SLC7A7: variants seen among roughly 807,000 people sequenced by gnomAD.
The protein encoded by SLC7A7 is solute carrier family 7 member 7, also known as Y+L amino acid transporter 1.
SLC7A7 carries 39 observed loss-of-function variants against 47.9 expected under a neutral mutation model. The ratio of observed to expected loss-of-function variants is 0.81; its 90% CI spans 0.63 to 1.06. The LOEUF (loss-of-function observed/expected upper bound fraction) is 1.06, where lower values mean the gene tolerates loss of function less well. Among genes scored for constraint, SLC7A7 ranks in the 50% least tolerant of loss-of-function variants. The pLI, the probability that SLC7A7 is intolerant of heterozygous loss-of-function variation, is 0.00. For missense variants in SLC7A7, 588 were observed against 632.0 expected (o/e 0.93, Z 0.75); for synonymous variants, 234 against 242.8 (o/e 0.96, Z 0.34).
intron 2 of SLC7A7, among the ~76,000 whole-genome samples, chr14:22,795,459 T>A (rs1189419761): frequency 3.8e-4 from 28 of 73,358 alleles, no homozygotes; most frequent in Non-Finnish European, 4.5e-4. Flanking sequence ...ATTCTTTTCT[T>A]TTCTTTTCTT....
chr14:22,795,720 G>A (rs907352177), intron 2 of SLC7A7, among the ~76,000 whole-genome samples: 7 of 150,652 alleles, frequency 4.6e-5, no homozygotes, highest in African/African-American at 7.3e-5. Flanking sequence ...TGATCTGCCC[G>A]CCTCGGCCTC....
intron 2 of SLC7A7, among the ~76,000 whole-genome samples, chr14:22,800,840 G>A (rs1446657889): frequency 6.6e-6 from 1 of 152,106 alleles, no homozygotes; most frequent in Admixed American, 6.5e-5. Flanking sequence ...TCAGGAGGCT[G>A]AGGAAGGAGA....
intron 2 of SLC7A7, among the ~76,000 whole-genome samples, chr14:22,810,886 G>A (rs1319174275): frequency 6.6e-6 from 1 of 152,178 alleles, no homozygotes; most frequent in Non-Finnish European, 1.5e-5. Flanking sequence ...GCTGAGGCAG[G>A]AGAATCACTT....
At chr14:22,818,053 G>A (rs1019232106), upstream of SLC7A7, among the ~76,000 whole-genome samples, 28 of 151,716 alleles carry the variant, frequency 1.8e-4, no homozygotes, top group Admixed American at 9.8e-4. Flanking sequence ...ACATCATCAC[G>A]CCTGCCCTTT....
chr14:22,809,434 G>A (rs28588189), intron 2 of SLC7A7, among the ~76,000 whole-genome samples: 62,690 of 150,430 alleles, frequency 0.42, 13,514 homozygotes, highest in Admixed American at 0.49. Flanking sequence ...TCTGCCTCCC[G>A]GGTTCAAGCG....
intron 2 of SLC7A7, among the ~76,000 whole-genome samples, chr14:22,808,438 G>A (rs1031175960): frequency 1.3e-5 from 2 of 152,306 alleles, no homozygotes; most frequent in Middle Eastern, 3.4e-3. Context: ...TGAAGATTCT[G>A]CCTAAGTTCT....
At chr14:22,786,148 G>T (rs2038812803) in intron 2 of SLC7A7, among the ~76,000 whole-genome samples, 1 of 151,382 alleles carries the variant, frequency 6.6e-6, no homozygotes, top group Non-Finnish European at 1.5e-5. Context: ...GTGAAAACCT[G>T]TCTCTACTAA....
intron 4 of SLC7A7, among the ~76,000 whole-genome samples, chr14:22,776,894 G>A (rs1026934905): frequency 2.0e-5 from 3 of 151,852 alleles, no homozygotes; most frequent in Non-Finnish European, 4.4e-5. Context: ...ACTTGAACTC[G>A]AGAGGCGGAG....
At chr14:22,781,057 G>T (rs184473473) in intron 2 of SLC7A7, among the ~76,000 whole-genome samples, 6 of 152,108 alleles carry the variant, frequency 3.9e-5, no homozygotes, top group Non-Finnish European at 7.4e-5. Context: ...GTAGCATAGC[G>T]AATCGCTTCA....
chr14:22,802,988 T>A (rs569219593), intron 2 of SLC7A7, among the ~76,000 whole-genome samples: 1 of 152,112 alleles, frequency 6.6e-6, no homozygotes, highest in African/African-American at 2.4e-5. Context: ...CAACATACAA[T>A]TATTGAGCAC....
chr14:22,778,041 C>T (rs2038649032), intron 4 of SLC7A7, among the ~76,000 whole-genome samples: 1 of 152,182 alleles, frequency 6.6e-6, no homozygotes, highest in Non-Finnish European at 1.5e-5. Flanking sequence ...CGCCATTGCA[C>T]TCCAGCCTGG....
At chr14:22,778,224 C>A (rs1469905640) in intron 4 of SLC7A7, among the ~76,000 whole-genome samples, 2 of 152,192 alleles carry the variant, frequency 1.3e-5, no homozygotes, top group African/African-American at 2.4e-5. Context: ...GATGGCCGGG[C>A]AACTCCCTCA....
intron 2 of SLC7A7, among the ~76,000 whole-genome samples, chr14:22,804,429 C>G (rs1315413371): frequency 6.6e-6 from 1 of 152,062 alleles, no homozygotes; most frequent in Non-Finnish European, 1.5e-5. Context: ...GAGACAACCT[C>G]TACAGAATGG....
In SLC7A7 at chr14:22,774,011, G is replaced by C; in HGVS notation, c.1351C>G (p.Leu451Val). Residue 451 changes from leucine (L) to valine (V), a missense_variant, in exon 9 of 10, where the codon CTC (leucine) becomes GTC (valine). By Grantham distance (32) the Leu-to-Val change is conservative. Transcript: ENST00000674313. ...INSLIGIAIA[L>V]SGLPFYFLII... The stretch of plus-strand genomic sequence containing the variant: ...AGGAAGTAAAAGGGCAGGCCTGAGA[G>C]GGCAATGGCAATGCCGATGAGGGAG... 1.2e-6 allele frequency: 2 copies of C among 1,614,184 alleles called. No individual in the cohort carries two copies. Among genetic ancestry groups the C allele is most frequent in the Non-Finnish European group, 1.7e-6 (2 of 1,180,026 alleles).
intron 2 of SLC7A7, among the ~76,000 whole-genome samples, chr14:22,782,001 T>C (rs935942932): frequency 3.3e-5 from 5 of 152,198 alleles, no homozygotes; most frequent in African/African-American, 7.2e-5. Context: ...TGTCCAGGGA[T>C]GTAGGCAGGG....
At position 22,797,213 on chromosome 14, in the gene SLC7A7, G is replaced by A. The variant is rs189548137; in HGVS notation, c.499+15687C>T. ...TGCAAGAATGTGAGACGGGGAGTGG[G>A]ATTATCTCCCCCTGTGGTAATGGAG... On this transcript the variant is annotated intron_variant, in intron 2 of 9. Transcript: ENST00000674313. Among the ~76,000 whole-genome samples, 12 of 152,232 alleles carry A rather than the reference G, an allele frequency of 7.9e-5. No individual in the cohort carries two copies. The East Asian group carries it at 1.9e-3, about 24-fold the overall frequency.
At position 22,787,998 on chromosome 14, in the gene SLC7A7, G is replaced by A. The variant is rs1028470764; in HGVS notation, c.500-7947C>T. ...TGAGGCAGGAGAATGGCGTGAACCC[G>A]GGAGGCGGCGGTTGCAGTGAGCCGA... On this transcript the variant is annotated intron_variant, in intron 2 of 9. Transcript: ENST00000674313. 8.1e-5 allele frequency among the ~76,000 whole-genome samples: 12 copies of A among 148,654 alleles called. No individual in the cohort carries two copies. The East Asian group carries it at 1.4e-3, about 17-fold the overall frequency.
At chr14:22,788,489 A>G (rs892946345) in intron 2 of SLC7A7, among the ~76,000 whole-genome samples, 21 of 152,032 alleles carry the variant, frequency 1.4e-4, no homozygotes, top group East Asian at 9.7e-4. Flanking sequence ...CAGATCACAA[A>G]GTCAGGAGTT....
At chr14:22,819,043 T>C (rs1466375657), upstream of SLC7A7, among the ~76,000 whole-genome samples, 1 of 152,166 alleles carries the variant, frequency 6.6e-6, no homozygotes, top group Non-Finnish European at 1.5e-5. Flanking sequence ...ATTCAGAAAC[T>C]GGCAGCAGGG....
Sources: gnomAD v4.1 joint callset for allele counts (sites outside exome capture counted in the v4.1 genomes callset) on GRCh38, gnomAD v4.1.1 for gene constraint, MANE v1.5 for transcripts, NCBI Gene and HGNC (gene_info 2026-07-23, HGNC 2026-07-21) for gene names.